YIF1B: variants seen among roughly 807,000 people sequenced by gnomAD.
The protein encoded by YIF1B is Yip1 interacting factor homolog B, membrane trafficking protein.
A neutral mutation model predicts 34.6 loss-of-function variants in YIF1B; 24 were observed. The ratio of observed to expected loss-of-function variants is 0.69; its 90% CI spans 0.50 to 0.98. The LOEUF is 0.98. YIF1B is among the 50% of genes least tolerant of loss of function. The pLI, the probability that YIF1B is intolerant of heterozygous loss-of-function variation, is 0.00. For synonymous variants in YIF1B, 186 were observed against 184.8 expected (o/e 1.01, Z -0.05); for missense variants, 368 against 429.4 (o/e 0.86, Z 1.26).
Position 38,309,475 on chromosome 19 carries a change from G to A in YIF1B, c.227C>T (p.Pro76Leu), listed in dbSNP as rs748477952. The change falls in exon 2 of 8, where the codon CCG (proline) becomes CTG (leucine). Residue 76 changes from proline to leucine, a missense_variant. This residue lies in a region of YIF1B where 153 missense variants were observed against 156.7 expected (regional missense o/e 0.98). Transcript: ENST00000339413. Reference sequence around the variant, plus strand: ...ATAGGCCATGGCCATGTTGGACACCGGGTCAGCCAGGAAGGCTGCATGGGG... The same window carrying A: ...ATAGGCCATGGCCATGTTGGACACCAGGTCAGCCAGGAAGGCTGCATGGGG... ...PTPHAAFLAD[P>L]VSNMAMAYGS... 5.6e-6 allele frequency: 9 copies of A among 1,613,774 alleles called. No homozygotes were observed. The highest frequency in any genetic ancestry group is 2.2e-5 in the East Asian group (1 of 44,886).
intron 5 of YIF1B, among the ~76,000 whole-genome samples, chr19:38,308,507 CAGAG>C (rs1969161445): frequency 1.3e-5 from 2 of 151,870 alleles, no homozygotes; most frequent in Non-Finnish European, 2.9e-5. Flanking sequence ...CTGGTGATGA[CAGAG>C]GGAGGATGAG....
upstream of YIF1B, chr19:38,317,121 A>G (rs1051041431): frequency 7.2e-5 from 11 of 152,052 alleles, no homozygotes; most frequent in Admixed American, 7.2e-4. Context: ...GCATTCTACA[A>G]CCCCCAGCAA....
chr19:38,309,830 A>C, intron 1 of YIF1B, 187 bp from the exon 2 acceptor site: 1 of 1,430,000 alleles, frequency 7.0e-7, no homozygotes, highest in African/African-American at 1.4e-5. Flanking sequence ...CAACCCACCC[A>C]TCTAGCCAAC....
At chr19:38,315,044 A>AG (rs1373653406) in intron 1 of YIF1B, among the ~76,000 whole-genome samples, 3 of 151,802 alleles carry the variant, frequency 2.0e-5, no homozygotes, top group Non-Finnish European at 4.4e-5. Context: ...GGATCACCTG[A>AG]GGTCGGGAGT....
upstream of YIF1B, among the ~76,000 whole-genome samples, chr19:38,318,696 G>A (rs1326495843): frequency 6.6e-6 from 1 of 152,192 alleles, no homozygotes; most frequent in East Asian, 1.9e-4. Context: ...TCAACCCCAA[G>A]TTGGGCTCTG....
At chr19:38,306,760 C>T in intron 7 of YIF1B, 1 of 297,738 alleles carries the variant, frequency 3.4e-6, no homozygotes. Flanking sequence ...CGGCTCACTG[C>T]AACCTCCACC....
At chr19:38,312,960 T>C (rs1969383089) in intron 1 of YIF1B, among the ~76,000 whole-genome samples, 1 of 148,806 alleles carries the variant, frequency 6.7e-6, no homozygotes, top group Non-Finnish European at 1.5e-5. Flanking sequence ...CTTCTTCTTC[T>C]TTTTTTTTTA....
Position 38,304,460 on chromosome 19 carries a change from G to C in YIF1B, c.*892C>G. Reference sequence around the variant, plus strand: ...TCAGTCCCCACAAAGTTCAGGGCCGGTCGGAGGCAGGGGCAGGTCCGGGTC... The same window carrying C: ...TCAGTCCCCACAAAGTTCAGGGCCGCTCGGAGGCAGGGGCAGGTCCGGGTC... On this transcript the variant is annotated 3_prime_UTR_variant, in exon 8 of 8. Transcript: ENST00000339413. 1 of 1,556,202 alleles carries C rather than the reference G, an allele frequency of 6.4e-7. No individual in the cohort carries two copies. The highest frequency in any genetic ancestry group is 8.7e-7 in the Non-Finnish European group (1 of 1,150,390).
In YIF1B at chr19:38,305,263, G is replaced by T; in HGVS notation, c.*89C>A. 6 of 1,515,608 alleles carry T rather than the reference G, an allele frequency of 4.0e-6. No homozygotes were observed. Among genetic ancestry groups the T allele is most frequent in the Non-Finnish European group, 5.3e-6 (6 of 1,130,744 alleles). 93.9% of individuals were successfully genotyped at this position (1,515,608 alleles called of 1,614,324 possible). On this transcript the variant is annotated 3_prime_UTR_variant, in exon 8 of 8. Coordinates refer to ENST00000339413, the MANE Select transcript of YIF1B (RefSeq NM_001039672.3). Reference sequence around the variant, plus strand: ...GCGGTGCCTGTGGCCAGACAGGGTGGACCTTGGGGCCTGCAGGCAGGAGAT... The same window carrying T: ...GCGGTGCCTGTGGCCAGACAGGGTGTACCTTGGGGCCTGCAGGCAGGAGAT...
In YIF1B at chr19:38,309,212, G is replaced by A; in HGVS notation, c.402+12C>T. The A allele has an allele frequency of 6.2e-7, 1 of 1,613,416 alleles. No individual in the cohort carries two copies. The highest frequency in any genetic ancestry group is 8.5e-7 in the Non-Finnish European group (1 of 1,179,630). ...GCCCACTGCAGACCCACATTCCCCT[G>A]GGGGTGCTGACCTGGTGTAGGTAGG... is the stretch of plus-strand genomic sequence containing the variant. On this transcript the variant is annotated intron_variant, in intron 3 of 7. Coordinates refer to ENST00000339413, the MANE Select transcript of YIF1B (RefSeq NM_001039672.3).
upstream of YIF1B, chr19:38,316,055 C>A (rs922379831): frequency 9.8e-6 from 12 of 1,227,428 alleles, no homozygotes; most frequent in African/African-American, 1.6e-4. Context: ...ACCCCTCCAG[C>A]CCCCCCCTTC....
upstream of YIF1B, chr19:38,320,110 G>T: frequency 6.4e-7 from 1 of 1,573,336 alleles, no homozygotes; most frequent in Non-Finnish European, 8.6e-7. Flanking sequence ...CAGCCCGTGT[G>T]TGGCTGCCCC....
chr19:38,317,752 G>T (rs954246785), upstream of YIF1B, among the ~76,000 whole-genome samples: 3 of 151,504 alleles, frequency 2.0e-5, no homozygotes, highest in Non-Finnish European at 4.4e-5. Flanking sequence ...CTAATTTTTT[G>T]TATTTTTAGT....
At chr19:38,319,759 G>A, upstream of YIF1B, 3 of 568,890 alleles carry the variant, frequency 5.3e-6, no homozygotes, top group Non-Finnish European at 8.5e-6. Context: ...TGGCGGTTGG[G>A]CGTGCCTCAG....
At chr19:38,314,034 TTTC>T in intron 1 of YIF1B, among the ~76,000 whole-genome samples, 1 of 152,270 alleles carries the variant, frequency 6.6e-6, no homozygotes. Context: ...CTCTCTTTTT[TTTC>T]TTTTCTTGAG....
At chr19:38,315,627 C>A (rs1969515009) in intron 1 of YIF1B, 4 of 1,542,760 alleles carry the variant, frequency 2.6e-6, no homozygotes, top group Middle Eastern at 3.9e-4. Flanking sequence ...ATGAAAGTTG[C>A]ATTTCTCTGC....
Position 38,315,904 on chromosome 19 carries a change from C to G in YIF1B, c.14G>C (p.Gly5Ala), listed in dbSNP as rs1266950275. 2.0e-6 allele frequency: 3 copies of G among 1,480,412 alleles called. No individual in the cohort carries two copies. The East Asian group carries it at 8.6e-5, about 42-fold the overall frequency. 91.7% of individuals were successfully genotyped at this position (1,480,412 alleles called of 1,614,324 possible). A position where few individuals can be genotyped will look rare whatever the true frequency, so the allele number is the denominator to read the frequency against. Residue 5 changes from glycine (G) to alanine (A), a missense_variant, in exon 1 of 8, where the codon GGC becomes GCC. By Grantham distance (60) the Gly-to-Ala change is moderately conservative. Transcript: ENST00000339413. ...CGTCCCCGCAGCCGCCGCCGCCAAGCCTGCCGGGTGCATCCTTCGCCGCCG... is the reference window on the plus strand; with the variant it reads ...CGTCCCCGCAGCCGCCGCCGCCAAGGCTGCCGGGTGCATCCTTCGCCGCCG... Reference protein sequence around the residue: MHPAGLAAAAAGTPR... With the variant: MHPAALAAAAAGTPR...
chr19:38,309,960 CCATCCATCCATCCATT>C, intron 1 of YIF1B: 1 of 591,868 alleles, frequency 1.7e-6, no homozygotes, highest in Non-Finnish European at 2.4e-6. Context: ...ATCTAACCAT[CCATCCATCCATCCATT>C]CATCCATCCA....
chr19:38,320,348 G>T, upstream of YIF1B: 1 of 1,501,546 alleles, frequency 6.7e-7, no homozygotes, highest in Admixed American at 1.8e-5. Context: ...GGACCCCGGG[G>T]CCCTCACGAA....
Sources: allele counts gnomAD v4.1 joint callset (sites outside exome capture counted in the v4.1 genomes callset), GRCh38; gene constraint gnomAD v4.1.1; regional missense constraint gnomAD v4.1.1; transcripts MANE v1.5; gene names NCBI Gene and HGNC (gene_info 2026-07-23, HGNC 2026-07-21).